The following PTPRN2 variants were observed in gnomAD, a reference collection of about 807,000 sequenced individuals.
The protein encoded by PTPRN2 is receptor-type tyrosine-protein phosphatase N2.
A neutral mutation model predicts 118.8 loss-of-function variants in PTPRN2; 74 were observed. That is an observed-to-expected ratio of 0.62 (90% confidence interval 0.52 to 0.76). The LOEUF (loss-of-function observed/expected upper bound fraction) is 0.76, where lower values mean the gene tolerates loss of function less well. PTPRN2 is among the 30% of genes least tolerant of loss of function. PTPRN2 has a pLI of 0.00. For missense variants in PTPRN2, 1,481 were observed against 1,394.4 expected (o/e 1.06, Z -0.99); for synonymous variants, 641 against 608.0 (o/e 1.05, Z -0.80).
chr7:157,895,349 C>G (rs956329048), intron 12 of PTPRN2, among the ~76,000 whole-genome samples: 3 of 147,952 alleles, frequency 2.0e-5, no homozygotes, highest in South Asian at 2.1e-4. Context: ...AGGGTCTGAA[C>G]GAGTCAATAA....
intron 2 of PTPRN2, among the ~76,000 whole-genome samples, chr7:158,325,170 G>A (rs1465060956): frequency 1.3e-5 from 2 of 149,556 alleles, no homozygotes; most frequent in African/African-American, 5.0e-5. Flanking sequence ...GGTCCCCCAG[G>A]CCCCACAATC....
rs1341610243 is a variant in PTPRN2 at position 157,977,726 on chromosome 7, A to G, written c.1724-78989T>C. 1.3e-5 allele frequency among the ~76,000 whole-genome samples: 2 copies of G among 151,730 alleles called. No individual in the cohort carries two copies. The highest frequency in any genetic ancestry group is 4.8e-5 in the African/African-American group (2 of 41,358). On this transcript the variant is annotated intron_variant, in intron 11 of 22. Transcript: ENST00000389418. The surrounding 1 kb of genome is among the most constrained non-coding windows in gnomAD (Gnocchi z 4.6). ...AGCAGGGGAGGTGGGGGCGGGAGGA[A>G]GTGAGAGGTAGGATCTGGTACCATC...
chr7:158,205,914 C>T (rs983913872), intron 3 of PTPRN2, among the ~76,000 whole-genome samples: 1 of 152,174 alleles, frequency 6.6e-6, no homozygotes, highest in Non-Finnish European at 1.5e-5. Flanking sequence ...ACCACCCATC[C>T]CAGTGGTCAG....
intron 12 of PTPRN2, among the ~76,000 whole-genome samples, chr7:157,776,061 CTCCTCT>C (rs1304010050): frequency 1.3e-5 from 2 of 151,482 alleles, no homozygotes; most frequent in East Asian, 3.9e-4. Context: ...CCCTCTCCTC[CTCCTCT>C]TCCTCCCTCT....
At position 158,392,683 on chromosome 7, in the gene PTPRN2, C is replaced by G. The variant is rs1293544871; in HGVS notation, c.164-75751G>C. 2.0e-5 allele frequency among the ~76,000 whole-genome samples: 3 copies of G among 152,154 alleles called. No homozygotes were observed. The East Asian group carries it at 5.8e-4, about 29-fold the overall frequency. ...ATGTGTTTCACCAACTGCGAAGACACAAAGCCGGGCCCTGGGTCCAGTCAG... is the reference window on the plus strand; with the variant it reads ...ATGTGTTTCACCAACTGCGAAGACAGAAAGCCGGGCCCTGGGTCCAGTCAG... On this transcript the variant is annotated intron_variant, in intron 2 of 22. Coordinates refer to ENST00000389418, the MANE Select transcript of PTPRN2 (RefSeq NM_002847.5).
intron 2 of PTPRN2, among the ~76,000 whole-genome samples, chr7:158,465,072 A>G (rs1355163814): frequency 6.6e-6 from 1 of 152,266 alleles, no homozygotes; most frequent in East Asian, 1.9e-4. Flanking sequence ...CTGCTGAGAT[A>G]CAAGTCCAGA....
At chr7:158,186,723 G>C (rs1425565368) in intron 5 of PTPRN2, among the ~76,000 whole-genome samples, 2 of 152,078 alleles carry the variant, frequency 1.3e-5, no homozygotes, top group Non-Finnish European at 2.9e-5. Flanking sequence ...GCCCCCTCTG[G>C]CATGAGTGCA....
At chr7:158,505,322 G>A (rs1822661524) in intron 1 of PTPRN2, among the ~76,000 whole-genome samples, 1 of 152,194 alleles carries the variant, frequency 6.6e-6, no homozygotes. Context: ...GCCACCTCCA[G>A]AACCACCAAG....
rs1415824355 is a variant in PTPRN2, at chr7:158,546,280, G to A, written c.112+41278C>T. Among the ~76,000 whole-genome samples the A allele has an allele frequency of 6.6e-6, 1 of 152,212 alleles. No homozygotes were observed. Among genetic ancestry groups the A allele is most frequent in the South Asian group, 2.1e-4 (1 of 4,832 alleles). The stretch of plus-strand genomic sequence containing the variant: ...ACAGAGACGGCTCCTTCCACTGGAT[G>A]TACAGAGCGCTTCCAGCAGCTTGAG... On this transcript the variant is annotated intron_variant, in intron 1 of 22. Coordinates refer to ENST00000389418, the MANE Select transcript of PTPRN2 (RefSeq NM_002847.5). The surrounding 1 kb of genome is among the most constrained non-coding windows in gnomAD (Gnocchi z 5.0).
chr7:158,039,983 C>G (rs770914963), intron 11 of PTPRN2, among the ~76,000 whole-genome samples: 3 of 151,704 alleles, frequency 2.0e-5, no homozygotes, highest in Non-Finnish European at 4.4e-5. Flanking sequence ...CTTTGATGGG[C>G]TCATTGGTAG....
At chr7:158,422,857 A>T (rs1377373) in intron 2 of PTPRN2, among the ~76,000 whole-genome samples, 9 of 152,224 alleles carry the variant, frequency 5.9e-5, no homozygotes, top group East Asian at 1.9e-4. Flanking sequence ...GCCAGCTCAC[A>T]GGAGCTCAAG....
At chr7:158,520,435 C>G (rs1823894905) in intron 1 of PTPRN2, among the ~76,000 whole-genome samples, 1 of 152,194 alleles carries the variant, frequency 6.6e-6, no homozygotes, top group Non-Finnish European at 1.5e-5. Context: ...CAATTTAAAA[C>G]AGTTCATGCC....
intron 4 of PTPRN2, among the ~76,000 whole-genome samples, chr7:158,202,245 G>T (rs764786835): frequency 6.6e-5 from 10 of 152,106 alleles, no homozygotes; most frequent in African/African-American, 9.7e-5. Context: ...AAAGAAAAAC[G>T]ATCACATTTC....
Position 157,784,411 on chromosome 7 carries a change from C to T in PTPRN2, c.1789-101474G>A, listed in dbSNP as rs939920362. On this transcript the variant is annotated intron_variant, in intron 12 of 22. Transcript: ENST00000389418. The surrounding 1 kb of genome is among the most constrained non-coding windows in gnomAD (Gnocchi z 4.6). The stretch of plus-strand genomic sequence containing the variant: ...GGAGGAGGTGCTCCTAGCAAGATGC[C>T]GACCTGCAGCAGCGCCCACAAGGCT... Among the ~76,000 whole-genome samples, 2 of 152,168 alleles carry T rather than the reference C, an allele frequency of 1.3e-5. No individual in the cohort carries two copies. The highest frequency in any genetic ancestry group is 4.8e-5 in the African/African-American group (2 of 41,444).
chr7:158,290,860 T>C (rs191577652), intron 3 of PTPRN2, among the ~76,000 whole-genome samples: 271 of 152,358 alleles, frequency 1.8e-3, no homozygotes, highest in Middle Eastern at 6.8e-3. Flanking sequence ...GTTGTTTCTG[T>C]GATGGATGAG....
At chr7:158,181,348 C>T (rs1168047009) in intron 5 of PTPRN2, among the ~76,000 whole-genome samples, 2 of 152,202 alleles carry the variant, frequency 1.3e-5, no homozygotes, top group East Asian at 1.9e-4. Context: ...GCTAGTATTT[C>T]GTAGAGGGTT....
chr7:158,332,855 C>T (rs1804776684), intron 2 of PTPRN2, among the ~76,000 whole-genome samples: 1 of 148,726 alleles, frequency 6.7e-6, no homozygotes, highest in Admixed American at 6.6e-5. Context: ...GCAAACGTCA[C>T]TCACACCCAC....
intron 12 of PTPRN2, among the ~76,000 whole-genome samples, chr7:157,804,062 A>C (rs945020692): frequency 1.3e-5 from 2 of 152,240 alleles, no homozygotes; most frequent in Non-Finnish European, 2.9e-5. Context: ...TTATATTTAG[A>C]AGTTAAAATT....
At chr7:157,851,209 T>TTGGG (rs1809252540) in intron 12 of PTPRN2, among the ~76,000 whole-genome samples, 2 of 152,348 alleles carry the variant, frequency 1.3e-5, no homozygotes, top group South Asian at 4.1e-4. Context: ...ACGAGGCTGT[T>TTGGG]TGGGTTCCTG....
Sources: allele counts gnomAD v4.1 joint callset (sites outside exome capture counted in the v4.1 genomes callset), GRCh38; gene constraint gnomAD v4.1.1; non-coding constraint Gnocchi (gnomAD v3.1); transcripts MANE v1.5; gene names NCBI Gene and HGNC (gene_info 2026-07-23, HGNC 2026-07-21).